Variants in TRPS1 observed in about 807,000 individuals in gnomAD.
TRPS1 encodes transcriptional repressor GATA binding 1.
A neutral mutation model predicts 101.2 loss-of-function variants in TRPS1; 6 were observed. The observed-to-expected ratio is 0.06, with a 90% confidence interval of 0.03 to 0.12. TRPS1 has a LOEUF of 0.12. TRPS1 is among the 10% of genes least tolerant of loss of function. The pLI, the probability that TRPS1 is intolerant of heterozygous loss-of-function variation, is 1.00. For missense variants in TRPS1, 1,363 were observed against 1,567.0 expected (o/e 0.87, Z 2.20); for synonymous variants, 578 against 589.8 (o/e 0.98, Z 0.29).
At chr8:115,450,628 T>C (rs1813846152) in intron 5 of TRPS1, among the ~76,000 whole-genome samples, 1 of 152,166 alleles carries the variant, frequency 6.6e-6, no homozygotes, top group Non-Finnish European at 1.5e-5. Flanking sequence ...TGGGAAGGTC[T>C]GCGTCAGGAA....
chr8:115,414,263 T>C lies in TRPS1; in HGVS notation c.3645A>G (p.Thr1215=). The C allele has an allele frequency of 6.2e-7, 1 of 1,614,050 alleles. No homozygotes were observed. Among genetic ancestry groups the C allele is most frequent in the Non-Finnish European group, 8.5e-7 (1 of 1,179,962 alleles). ...CTTGAGTACTTCTATCAACTTTCTC[T>C]GTTTTTACTACATTCAAGGGACCTT... ...KNEGPLNVVK[T]EKVDRSTQDE... The change falls in exon 7 of 7, where the codon ACA becomes ACG. Residue 1215 remains threonine, a synonymous_variant. Coordinates refer to ENST00000395715, the MANE Select transcript of TRPS1 (RefSeq NM_014112.5). This position sits in a 1 kb window ranked among gnomAD's most constrained non-coding sequence, Gnocchi z 4.8.
Position 115,619,479 on chromosome 8 carries a change from C to T in TRPS1, c.619G>A (p.Gly207Ser), listed in dbSNP as rs1818338787. ...GTTTTGGATTTATTCAGTCTTACAC[C>T]CCCATCTGAAGGCACTTGTGGGTTT... ...SKNPQVPSDGGVRLNKSKTDL... is the reference protein window; with the variant it reads ...SKNPQVPSDGSVRLNKSKTDL... The change falls in exon 3 of 7, where the codon GGT becomes AGT. Residue 207 changes from glycine to serine, a missense_variant. Physicochemically the swap from Gly to Ser is moderately conservative, Grantham distance 56. Coordinates refer to ENST00000395715, the MANE Select transcript of TRPS1 (RefSeq NM_014112.5). 6.2e-7 allele frequency: 1 copy of T among 1,614,156 alleles called. No homozygotes were observed.
At chr8:115,415,874 C>T (rs372446271) in intron 6 of TRPS1, among the ~76,000 whole-genome samples, 1 of 152,020 alleles carries the variant, frequency 6.6e-6, no homozygotes, top group Non-Finnish European at 1.5e-5. Flanking sequence ...TACATGCGTG[C>T]TTCTAAATAA....
rs903808787 is a variant in TRPS1 at position 115,667,793 on chromosome 8, T to C, written c.-122+752A>G. The C allele has an allele frequency of 1.2e-5, 18 of 1,510,618 alleles. No individual in the cohort carries two copies. In the Admixed American group the frequency reaches 2.0e-4, roughly 17 times the overall value. 93.6% of individuals were successfully genotyped at this position (1,510,618 alleles called of 1,614,324 possible). A position where few individuals can be genotyped will look rare whatever the true frequency, so the allele number is the denominator to read the frequency against. Reference sequence around the variant, plus strand: ...AACTCTTCAAAGCCAAAGGCAGTCCTGTGCTGTTTTCCCACTTTGGAGACC... The same window carrying C: ...AACTCTTCAAAGCCAAAGGCAGTCCCGTGCTGTTTTCCCACTTTGGAGACC... On this transcript the variant is annotated intron_variant, in intron 1 of 6. Transcript: ENST00000395715.
At chr8:115,620,170 T>A in intron 2 of TRPS1, 110 bp from the exon 3 acceptor site, 1 of 1,049,140 alleles carries the variant, frequency 9.5e-7, no homozygotes, top group Non-Finnish European at 1.3e-6. Context: ...CATAATCAAA[T>A]GCTTCCTCTA....
chr8:115,479,431 C>T (rs1196196186), intron 5 of TRPS1, among the ~76,000 whole-genome samples: 2 of 151,944 alleles, frequency 1.3e-5, no homozygotes, highest in Admixed American at 6.6e-5. Flanking sequence ...GTGGTTTGCA[C>T]AGTGAAAAAA....
At chr8:115,640,274 T>TCCATC (rs1473129597) in intron 1 of TRPS1, among the ~76,000 whole-genome samples, 1 of 152,182 alleles carries the variant, frequency 6.6e-6, no homozygotes, top group African/African-American at 2.4e-5. Flanking sequence ...CATCTATATG[T>TCCATC]TAATTGGTAA....
intron 5 of TRPS1, among the ~76,000 whole-genome samples, chr8:115,486,921 C>G (rs1814895568): frequency 1.3e-5 from 2 of 152,184 alleles, no homozygotes; most frequent in South Asian, 4.1e-4. Context: ...ATGAAGATAG[C>G]TGCAATAAAC....
intron 4 of TRPS1, among the ~76,000 whole-genome samples, chr8:115,599,130 C>T (rs1817851977): frequency 6.6e-6 from 1 of 152,224 alleles, no homozygotes; most frequent in East Asian, 1.9e-4. Flanking sequence ...TCATTATATT[C>T]CATATCTTAC....
intron 1 of TRPS1, among the ~76,000 whole-genome samples, chr8:115,638,008 G>T (rs1586482709): frequency 6.6e-6 from 1 of 152,098 alleles, no homozygotes; most frequent in Non-Finnish European, 1.5e-5. Flanking sequence ...TCCAAAATGA[G>T]CCAGATTTTC....
chr8:115,648,101 G>T (rs1031452728), intron 1 of TRPS1, among the ~76,000 whole-genome samples: 2 of 152,144 alleles, frequency 1.3e-5, no homozygotes, highest in Admixed American at 1.3e-4. Flanking sequence ...TCAAGGAGGG[G>T]TGGCAGCAAA....
chr8:115,627,146 A>AAT (rs1435966054), intron 1 of TRPS1, among the ~76,000 whole-genome samples: 1 of 151,724 alleles, frequency 6.6e-6, no homozygotes, highest in African/African-American at 2.4e-5. Flanking sequence ...ATAGAGCAAG[A>AAT]ATACCTCATG....
chr8:115,618,756 T>A (rs934002120), intron 3 of TRPS1, among the ~76,000 whole-genome samples: 2 of 152,240 alleles, frequency 1.3e-5, no homozygotes, highest in Non-Finnish European at 2.9e-5. Context: ...AAAAGCCTTA[T>A]AATCTAAAAC....
At chr8:115,562,929 G>A (rs563709254) in intron 5 of TRPS1, among the ~76,000 whole-genome samples, 3 of 125,072 alleles carry the variant, frequency 2.4e-5, no homozygotes, top group East Asian at 2.5e-4. Context: ...TGTGTGTGGT[G>A]TTCCTCTCTC....
At chr8:115,496,356 G>A (rs142789361) in intron 5 of TRPS1, among the ~76,000 whole-genome samples, 1,831 of 152,114 alleles carry the variant, frequency 0.012, 40 homozygotes, top group South Asian at 0.046. Flanking sequence ...AATAAGCAAT[G>A]TACTCTTTAA....
At chr8:115,662,054 T>C (rs932996476) in intron 1 of TRPS1, among the ~76,000 whole-genome samples, 19 of 152,036 alleles carry the variant, frequency 1.2e-4, no homozygotes, top group Admixed American at 3.9e-4. Flanking sequence ...GAACAACATA[T>C]ACATTAAGTT....
At chr8:115,633,712 A>T (rs1032407679) in intron 1 of TRPS1, among the ~76,000 whole-genome samples, 2 of 152,156 alleles carry the variant, frequency 1.3e-5, no homozygotes, top group Non-Finnish European at 2.9e-5. Flanking sequence ...CAGAGGATTC[A>T]TGTATCTAAA....
intron 1 of TRPS1, among the ~76,000 whole-genome samples, chr8:115,649,902 C>A (rs552265728): frequency 1.3e-5 from 2 of 152,306 alleles, no homozygotes; most frequent in South Asian, 4.1e-4. Context: ...GCAATAGAGG[C>A]ATCTTCAACA....
chr8:115,637,771 T>C (rs750985238), intron 1 of TRPS1, among the ~76,000 whole-genome samples: 64 of 152,214 alleles, frequency 4.2e-4, no homozygotes, highest in Non-Finnish European at 7.2e-4. Flanking sequence ...AAGTTACTCA[T>C]GTTTGCTGAA....
Sources: gnomAD v4.1 joint callset for allele counts (sites outside exome capture counted in the v4.1 genomes callset) on GRCh38, gnomAD v4.1.1 for gene constraint, Gnocchi (gnomAD v3.1) non-coding constraint, MANE v1.5 for transcripts, NCBI Gene and HGNC (gene_info 2026-07-23, HGNC 2026-07-21) for gene names.